GLIS3: variants seen among roughly 807,000 people sequenced by gnomAD.
GLIS3 encodes GLIS family zinc finger 3, also known as zinc finger protein GLIS3.
Under a neutral mutation model 78.6 loss-of-function variants are expected in GLIS3, and 53 were observed. The observed-to-expected ratio is 0.67, with a 90% CI of 0.54 to 0.85. GLIS3 has a LOEUF of 0.85. Ranked by LOEUF, GLIS3 falls within the 40% of genes least tolerant of loss-of-function variation. GLIS3 has a pLI of 0.00. For missense variants in GLIS3, 1,703 were observed against 1,231.1 expected (o/e 1.38, Z -5.74); for synonymous variants, 684 against 509.9 (o/e 1.34, Z -4.60).
intron 4 of GLIS3, among the ~76,000 whole-genome samples, chr9:4,028,183 A>G (rs1823508250): frequency 1.3e-5 from 2 of 152,188 alleles, no homozygotes; most frequent in African/African-American, 4.8e-5. Context: ...ACTCCAATGC[A>G]CATATAGGAG....
Position 3,937,255 on chromosome 9 carries a change from T to A in GLIS3, c.1711-66A>T, listed in dbSNP as rs676935. On this transcript the variant is annotated intron_variant, in intron 4 of 10. Transcript: ENST00000381971. The stretch of plus-strand genomic sequence containing the variant: ...TGAATGTTTGAGTCTGGGGGACAGC[T>A]AAAAAAAAAATGTTCTTAGTTGGTA... The A allele has an allele frequency of 0.26, 375,331 of 1,417,628 alleles. 37,916 individuals are homozygous for A. The highest frequency in any genetic ancestry group is 0.51 in the African/African-American group (36,126 of 70,238). The allele number at this position is 1,417,628 out of a possible 1,614,324, so 87.8% of individuals were successfully genotyped here. A position where few individuals can be genotyped will look rare whatever the true frequency, so the allele number is the denominator to read the frequency against.
chr9:4,310,655 G>C (rs1817335738), intron 2 of GLIS3: 2 of 152,404 alleles, frequency 1.3e-5, no homozygotes, highest in African/African-American at 2.4e-5. Flanking sequence ...AGCCCCATGA[G>C]GACACACACC....
chr9:4,039,392 ATC>A (rs904289583), intron 4 of GLIS3, among the ~76,000 whole-genome samples: 9 of 151,844 alleles, frequency 5.9e-5, no homozygotes, highest in South Asian at 2.1e-4. Flanking sequence ...GTATCCAAGC[ATC>A]TCTCTCTCTC....
At chr9:4,148,270 C>T (rs1159325982) in intron 2 of GLIS3, among the ~76,000 whole-genome samples, 1 of 152,090 alleles carries the variant, frequency 6.6e-6, no homozygotes, top group African/African-American at 2.4e-5. Context: ...TTGCTACACT[C>T]ACAGGAGTTT....
the GLIS3 span, among the ~76,000 whole-genome samples, chr9:4,477,192 C>T: frequency 6.6e-6 from 1 of 151,616 alleles, no homozygotes; most frequent in Non-Finnish European, 1.5e-5. Context: ...GATGGATAAA[C>T]AAAAATGTGG....
intron 4 of GLIS3, chr9:4,070,830 G>A (rs966292618): frequency 2.0e-5 from 3 of 152,112 alleles, no homozygotes; most frequent in Non-Finnish European, 4.4e-5. Flanking sequence ...GCTTTTTACA[G>A]TTCTTTTATG....
intron 4 of GLIS3, among the ~76,000 whole-genome samples, chr9:4,045,780 G>A (rs1273986937): frequency 6.6e-6 from 1 of 152,148 alleles, no homozygotes; most frequent in South Asian, 2.1e-4. Flanking sequence ...GATATTATGA[G>A]TCCTTGCAAC....
the GLIS3 span, among the ~76,000 whole-genome samples, chr9:4,364,113 CCTT>C: frequency 6.6e-6 from 1 of 152,136 alleles, no homozygotes; most frequent in Non-Finnish European, 1.5e-5. Flanking sequence ...CAAAGCCTGT[CCTT>C]CAGCTGAATA....
At chr9:4,387,667 T>C in the GLIS3 span, among the ~76,000 whole-genome samples, 1 of 152,220 alleles carries the variant, frequency 6.6e-6, no homozygotes, top group African/African-American at 2.4e-5. Flanking sequence ...AAGAATGAGC[T>C]AGGTAGTTCA....
chr9:4,276,312 T>G (rs952150878), intron 2 of GLIS3, among the ~76,000 whole-genome samples: 19 of 89,876 alleles, frequency 2.1e-4, no homozygotes, highest in Admixed American at 2.6e-4. Flanking sequence ...GAGAAGAAAA[T>G]GGAGGGGAGG....
the GLIS3 span, among the ~76,000 whole-genome samples, chr9:4,387,880 ATAGAACCTT>A: frequency 6.6e-6 from 1 of 152,236 alleles, no homozygotes; most frequent in South Asian, 2.1e-4. Context: ...AGAATTTGTT[ATAGAACCTT>A]TCATGAGGGA....
chr9:4,315,296 T>C (rs553236070), intron 2 of GLIS3, among the ~76,000 whole-genome samples: 1 of 152,260 alleles, frequency 6.6e-6, no homozygotes, highest in South Asian at 2.1e-4. Context: ...GGACAAGTGA[T>C]CATGCCTATC....
chr9:4,152,875 T>TG (rs1834784727), intron 2 of GLIS3, among the ~76,000 whole-genome samples: 1 of 152,056 alleles, frequency 6.6e-6, no homozygotes, highest in Non-Finnish European at 1.5e-5. Flanking sequence ...AACATAGATA[T>TG]GTAAATGTTT....
intron 4 of GLIS3, among the ~76,000 whole-genome samples, chr9:4,058,196 C>G (rs1563996028): frequency 6.6e-6 from 1 of 152,038 alleles, no homozygotes; most frequent in Non-Finnish European, 1.5e-5. Context: ...TCTTGGGTCA[C>G]TGATTGCTCC....
At chr9:4,435,610 T>C in the GLIS3 span, among the ~76,000 whole-genome samples, 1 of 152,262 alleles carries the variant, frequency 6.6e-6, no homozygotes, top group African/African-American at 2.4e-5. Flanking sequence ...AAGACTGTTA[T>C]ATTTAAATCT....
At chr9:4,253,045 G>C (rs1275211132) in intron 2 of GLIS3, among the ~76,000 whole-genome samples, 1 of 152,234 alleles carries the variant, frequency 6.6e-6, no homozygotes, top group Non-Finnish European at 1.5e-5. Context: ...TGAAGTCTCT[G>C]TCAACCCCTG....
Position 3,857,185 on chromosome 9 carries a change from G to T in GLIS3, c.2298-1001C>A, listed in dbSNP as rs535712880. On this transcript the variant is annotated intron_variant, in intron 8 of 10. Coordinates refer to ENST00000381971, the MANE Select transcript of GLIS3 (RefSeq NM_001042413.2). ...AATGCAGTAAAATGAAGCAGCAAAT[G>T]AATTGTTTAGTTTCCTCAAAAAGTC... Among the ~76,000 whole-genome samples the T allele has an allele frequency of 1.1e-4, 16 of 152,298 alleles. No homozygotes were observed. The South Asian group carries it at 3.3e-3, about 32-fold the overall frequency.
chr9:3,893,977 C>T (rs916411834), intron 7 of GLIS3, among the ~76,000 whole-genome samples: 2 of 152,184 alleles, frequency 1.3e-5, no homozygotes, highest in East Asian at 3.9e-4. Flanking sequence ...ACTGCATTCT[C>T]CAATCTAACT....
the GLIS3 span, among the ~76,000 whole-genome samples, chr9:4,434,472 A>G: frequency 6.6e-6 from 1 of 152,202 alleles, no homozygotes; most frequent in Non-Finnish European, 1.5e-5. Flanking sequence ...AAAATAATAG[A>G]AGCTTTGGGG....
Sources: allele counts gnomAD v4.1 joint callset (sites outside exome capture counted in the v4.1 genomes callset), GRCh38; gene constraint gnomAD v4.1.1; transcripts MANE v1.5; gene names NCBI Gene and HGNC (gene_info 2026-07-23, HGNC 2026-07-21).